The following ULK1 variants were observed in gnomAD, a reference collection of about 807,000 sequenced individuals.
ULK1 encodes the protein unc-51 like autophagy activating kinase 1.
In ULK1, 48 loss-of-function variants were observed where a neutral mutation model predicts 117.5. The observed-to-expected ratio is 0.41, with a 90% CI of 0.32 to 0.52. ULK1 has a LOEUF of 0.52. ULK1 is among the 20% of genes least tolerant of loss of function. The pLI is 0.29. For missense variants in ULK1, 1,387 were observed against 1,473.4 expected, an observed-to-expected ratio of 0.94 and a Z score of 0.96; for synonymous variants, 790 against 637.8, an observed-to-expected ratio of 1.24 and a Z score of -3.60.
In ULK1 at chr12:131,909,765, G is replaced by T; in HGVS notation, c.667-10G>T. ...CAGCCCTGGCAGTCAGGCTGTCCCC[G>T]TCCCCGCAGGCCAGCAGCCCCCAGG... On this transcript the variant is annotated splice_polypyrimidine_tract_variant and intron_variant, in intron 8 of 27. Transcript: ENST00000321867. 6.3e-7 allele frequency: 1 copy of T among 1,597,740 alleles called. No individual in the cohort carries two copies. The highest frequency in any genetic ancestry group is 8.5e-7 in the Non-Finnish European group (1 of 1,172,358).
At chr12:131,909,037 G>C (rs1235087731) in intron 7 of ULK1, 66 bp downstream of exon 7, 2 of 1,610,980 alleles carry the variant, frequency 1.2e-6, no homozygotes, top group Non-Finnish European at 1.7e-6. Flanking sequence ...TGGTTGGCTG[G>C]CGTGTGGTGC....
In ULK1 at chr12:131,909,809, A is replaced by C. The variant is rs759755019; in HGVS notation, c.701A>C (p.Glu234Ala). 1 of 1,611,172 alleles carries C rather than the reference A, an allele frequency of 6.2e-7. No homozygotes were observed. Among genetic ancestry groups the C allele is most frequent in the South Asian group, 1.1e-5 (1 of 90,866 alleles). Reference sequence around the variant, plus strand: ...CCCCAGGACCTGCGCCTGTTCTACGAGAAGAACAAGACGTTGGTCCCCACG... The same window carrying C: ...CCCCAGGACCTGCGCCTGTTCTACGCGAAGAACAAGACGTTGGTCCCCACG... The part of the protein sequence containing the change: ...SSPQDLRLFY[E>A]KNKTLVPTIP... Residue 234 changes from glutamate to alanine, a missense_variant, in exon 9 of 28, where the codon GAG becomes GCG. Physicochemically the swap from Glu to Ala is moderately radical, Grantham distance 107 (BLOSUM62 -1). This residue lies in a region of ULK1 where 260 missense variants were observed against 271.6 expected (regional missense o/e 0.96). Transcript: ENST00000321867.
At chr12:131,912,199 G>A in intron 13 of ULK1, 110 bp downstream of exon 13, 2 of 1,451,146 alleles carry the variant, frequency 1.4e-6, no homozygotes, top group Middle Eastern at 2.4e-4. Flanking sequence ...GGGCAGTTAG[G>A]ATGGGCCCCT....
chr12:131,899,557 C>T (rs78570824), intron 3 of ULK1, among the ~76,000 whole-genome samples: 16,410 of 146,946 alleles, frequency 0.11, 1,564 homozygotes, highest in East Asian at 0.59. Context: ...GTGGCATAAT[C>T]ATGGCTCACT....
intron 22 of ULK1, 112 bp downstream of exon 22, chr12:131,917,666 G>T: frequency 1.8e-6 from 2 of 1,115,784 alleles, no homozygotes; most frequent in Non-Finnish European, 1.1e-6. Flanking sequence ...CAGAGCCCAG[G>T]GGTGCCTGAG....
intron 3 of ULK1, 143 bp from the exon 4 acceptor site, chr12:131,906,739 GGCCCAGAGAT>G: frequency 1.2e-6 from 1 of 869,188 alleles, no homozygotes; most frequent in Non-Finnish European, 1.9e-6. Flanking sequence ...CAAAGCACGT[GGCCCAGAGAT>G]GTCCTCGTCT....
chr12:131,917,410 G>T lies in ULK1; in HGVS notation c.2183-1G>T. 2 of 1,516,288 alleles carry T rather than the reference G, an allele frequency of 1.3e-6. No individual in the cohort carries two copies. The highest frequency in any genetic ancestry group is 1.8e-6 in the Non-Finnish European group (2 of 1,134,824). The allele number at this position is 1,516,288 out of a possible 1,614,324, so 93.9% of individuals were successfully genotyped here. On this transcript the variant is annotated splice_acceptor_variant, in intron 21 of 27. Transcript: ENST00000321867. LOFTEE classifies it high-confidence loss of function. ...TCCTGAGCCCTTCCTTGCTCTCCCA[G>T]CACCCTCAGCTGGCTTTGGAGGGAG...
At chr12:131,897,725 C>T (rs976941234) in intron 3 of ULK1, 7 of 151,318 alleles carry the variant, frequency 4.6e-5, no homozygotes, top group African/African-American at 1.2e-4. Flanking sequence ...TAGCAAGACT[C>T]GCTCTCTCTA....
At position 131,916,980 on chromosome 12, in the gene ULK1, C is replaced by A; in HGVS notation, c.2100C>A (p.Asp700Glu). 2 of 1,610,884 alleles carry A rather than the reference C, an allele frequency of 1.2e-6. No individual in the cohort carries two copies. Among genetic ancestry groups the A allele is most frequent in the Admixed American group, 1.7e-5 (1 of 59,838 alleles). The change falls in exon 21 of 28, where the codon GAC becomes GAA. Residue 700 changes from aspartate to glutamate, a missense_variant. Transcript: ENST00000321867. ...CTTTCAGCACCAGCCGCCTCACTGA[C>A]CTGCTCCTTAAGGCGGCGTTTGGGA... is the stretch of plus-strand genomic sequence containing the variant. ...GRSFSTSRLTDLLLKAAFGTQ... is the reference protein window; with the variant it reads ...GRSFSTSRLTELLLKAAFGTQ...
Position 131,917,075 on chromosome 12 carries a change from GTGGGGCTCGGAGGCTGTGGGA to G in ULK1, c.2182+19_2182+39del, listed in dbSNP as rs1566126166. On this transcript the variant is annotated intron_variant, in intron 21 of 27. Coordinates refer to ENST00000321867, the MANE Select transcript of ULK1 (RefSeq NM_003565.4). ...CCCATGGAGATCGGTGTGTGGGTGGGTGGGGCTCGGAGGCTGTGGGATGGGGGTCGGAGGCTGTGGGATGGG... is the reference window on the plus strand; with the variant it reads ...CCCATGGAGATCGGTGTGTGGGTGGGTGGGGGTCGGAGGCTGTGGGATGGG... The G allele has an allele frequency of 1.5e-5, 19 of 1,292,480 alleles. No homozygotes were observed. In the East Asian group the frequency reaches 4.3e-4, roughly 29 times the overall value. The allele number at this position is 1,292,480 out of a possible 1,614,324, so 80.1% of individuals were successfully genotyped here. A position where few individuals can be genotyped will look rare whatever the true frequency, so the allele number is the denominator to read the frequency against.
intron 3 of ULK1, among the ~76,000 whole-genome samples, chr12:131,901,582 C>T (rs577950977): frequency 4.6e-5 from 7 of 152,250 alleles, no homozygotes; most frequent in African/African-American, 7.2e-5. Flanking sequence ...TCCTGGTTCC[C>T]ACACGCTCCC....
chr12:131,920,371 G>T (rs928534302), intron 26 of ULK1: 2 of 522,650 alleles, frequency 3.8e-6, no homozygotes, highest in South Asian at 2.5e-5. Context: ...GCCTCGCCCC[G>T]ACTCAGTTTC....
rs1890154272 is a variant in ULK1 at position 131,921,609 on chromosome 12, CCAGCTGCCTGGCTCAG to C, written c.*252_*267del. The C allele has an allele frequency of 1.6e-6, 1 of 641,444 alleles. No individual in the cohort carries two copies. The highest frequency in any genetic ancestry group is 1.9e-5 in the South Asian group (1 of 52,666). The allele number at this position is 641,444 out of a possible 1,614,324, so 39.7% of individuals were successfully genotyped here. On this transcript the variant is annotated 3_prime_UTR_variant, in exon 28 of 28. Transcript: ENST00000321867. ...TGGGGATCACAGAATTTCTGCCCCT[CCAGCTGCCTGGCTCAG>C]CAGGCGTGGGTGCCACCACCCTCTA...
At chr12:131,914,081 C>T (rs1566123081) in intron 15 of ULK1, among the ~76,000 whole-genome samples, 1 of 149,294 alleles carries the variant, frequency 6.7e-6, no homozygotes, top group Non-Finnish European at 1.5e-5. Context: ...ACAGTCGAGC[C>T]TGTAGGGCCA....
intron 16 of ULK1, 46 bp from the exon 17 acceptor site, chr12:131,915,037 G>A: frequency 1.3e-6 from 2 of 1,514,136 alleles, no homozygotes; most frequent in Non-Finnish European, 1.8e-6. Context: ...CACAGGTCAG[G>A]CAGGGCTGCT....
Position 131,919,333 on chromosome 12 carries a change from T to C in ULK1, c.2633T>C (p.Leu878Pro). The change falls in exon 24 of 28, where the codon CTG (leucine) becomes CCG (proline). Residue 878 changes from leucine (L) to proline (P), a missense_variant. Leu to Pro is a moderately conservative substitution (Grantham distance 98). Transcript: ENST00000321867. Reference sequence around the variant, plus strand: ...GCGGCGGGGGGCCCTGAGTACCAGCTGCAGGAGAGTGTGGTGGCCGACCAG... The same window carrying C: ...GCGGCGGGGGGCCCTGAGTACCAGCCGCAGGAGAGTGTGGTGGCCGACCAG... ...SEAAGGPEYQ[L>P]QESVVADQIS... 1 of 1,542,822 alleles carries C rather than the reference T, an allele frequency of 6.5e-7. No individual in the cohort carries two copies. The highest frequency in any genetic ancestry group is 1.1e-5 in the South Asian group (1 of 87,304).
intron 3 of ULK1, 138 bp downstream of exon 3, chr12:131,895,962 C>G: frequency 1.8e-6 from 2 of 1,114,390 alleles, no homozygotes; most frequent in Non-Finnish European, 2.6e-6. Flanking sequence ...CACCCTGGGT[C>G]CAGGCCTGGG....
chr12:131,906,786 C>T, intron 3 of ULK1, 106 bp from the exon 4 acceptor site: 2 of 1,425,762 alleles, frequency 1.4e-6, no homozygotes, highest in Non-Finnish European at 2.0e-6. Context: ...CCAGCTAAGT[C>T]CTGGCACTGC....
intron 3 of ULK1, among the ~76,000 whole-genome samples, chr12:131,905,365 C>T (rs182914903): frequency 0.011 from 1,588 of 146,890 alleles, 29 homozygotes; most frequent in African/African-American, 0.039. Flanking sequence ...TTGGGGCCTC[C>T]TGGGACTGGG....
Sources: gnomAD v4.1 joint callset for allele counts (sites outside exome capture counted in the v4.1 genomes callset) on GRCh38, gnomAD v4.1.1 for gene constraint, gnomAD v4.1.1 regional missense constraint, MANE v1.5 for transcripts, NCBI Gene and HGNC (gene_info 2026-07-23, HGNC 2026-07-21) for gene names.